The following TP63 variants were observed in gnomAD, a reference collection of about 807,000 sequenced individuals.
The protein encoded by TP63 is tumor protein p63, also known as tumor protein 63.
In TP63, 17 loss-of-function variants were observed where a neutral mutation model predicts 82.8. The observed-to-expected ratio is 0.21, with a 90% confidence interval of 0.14 to 0.31. The LOEUF (loss-of-function observed/expected upper bound fraction) is 0.31. Among genes scored for constraint, TP63 ranks in the 10% least tolerant of loss-of-function variants. The pLI, the probability that TP63 is intolerant of heterozygous loss-of-function variation, is 1.00. For missense variants in TP63, 648 were observed against 895.3 expected, an observed-to-expected ratio of 0.72 and a Z score of 3.52; for synonymous variants, 330 against 321.7, an observed-to-expected ratio of 1.03 and a Z score of -0.28.
chr3:189,750,038 C>T (rs1253986614), intron 3 of TP63, among the ~76,000 whole-genome samples: 4 of 149,970 alleles, frequency 2.7e-5, no homozygotes, highest in South Asian at 2.1e-4. Context: ...GCAGGAGAAT[C>T]GCTTGAGCCT....
intron 1 of TP63, chr3:189,645,504 TTTA>T (rs1262725995): frequency 1.6e-5 from 3 of 191,370 alleles, no homozygotes; most frequent in African/African-American, 4.7e-5. Context: ...TTTTAATTTT[TTTA>T]TTATTTATTT....
At chr3:189,606,406 C>T in the TP63 span, among the ~76,000 whole-genome samples, 1 of 151,742 alleles carries the variant, frequency 6.6e-6, no homozygotes, top group African/African-American at 2.4e-5. Flanking sequence ...ATAAAAACAC[C>T]AGAGCAGAGC....
intron 4 of TP63, among the ~76,000 whole-genome samples, chr3:189,822,027 T>TG (rs900811634): frequency 1.3e-5 from 2 of 152,248 alleles, no homozygotes; most frequent in African/African-American, 4.8e-5. Context: ...CAGATAGACC[T>TG]GGGGGGTTGA....
intron 4 of TP63, among the ~76,000 whole-genome samples, chr3:189,818,464 C>G (rs1232228329): frequency 6.6e-6 from 1 of 151,916 alleles, no homozygotes; most frequent in Non-Finnish European, 1.5e-5. Context: ...TTTTTATAAA[C>G]TTATCTAGAA....
At chr3:189,781,416 A>G (rs1724224153) in intron 3 of TP63, among the ~76,000 whole-genome samples, 1 of 152,072 alleles carries the variant, frequency 6.6e-6, no homozygotes, top group Non-Finnish European at 1.5e-5. Context: ...GACTTCTCCT[A>G]TTTTCTAAAA....
chr3:189,805,955 C>A (rs982954786), intron 3 of TP63, among the ~76,000 whole-genome samples: 3 of 151,294 alleles, frequency 2.0e-5, no homozygotes, highest in Non-Finnish European at 4.4e-5. Context: ...TGCTACCCCC[C>A]TGGGGAGAGG....
intron 3 of TP63, among the ~76,000 whole-genome samples, chr3:189,773,911 G>A (rs535391126): frequency 2.3e-4 from 32 of 141,526 alleles, no homozygotes; most frequent in Admixed American, 5.1e-4. Context: ...ATTGTGTCTC[G>A]TGCCTTTTTT....
At chr3:189,784,335 A>G (rs762378067) in intron 3 of TP63, among the ~76,000 whole-genome samples, 6 of 152,074 alleles carry the variant, frequency 3.9e-5, no homozygotes, top group Admixed American at 1.3e-4. Flanking sequence ...ATGACATTGA[A>G]GAAGGATAAA....
chr3:189,700,979 C>T (rs554889597), intron 1 of TP63, among the ~76,000 whole-genome samples: 4 of 152,162 alleles, frequency 2.6e-5, no homozygotes, highest in African/African-American at 7.2e-5. Flanking sequence ...TGGTTAAAAG[C>T]GCTACCAAGG....
Position 189,872,917 on chromosome 3 carries a change from T to C in TP63, c.1271T>C (p.Met424Thr), listed in dbSNP as rs1433363007. ...LLKIKESLEL[M>T]QYLPQHTIET... The stretch of plus-strand genomic sequence containing the variant: ...AAGATCAAAGAGTCCCTGGAACTCA[T>C]GCAGTACCTTCCTCAGCACACAATT... Residue 424 changes from methionine (M) to threonine (T), a missense_variant, in exon 10 of 14, where the codon ATG becomes ACG. This residue lies in a region of TP63 where 342 missense variants were observed against 425.7 expected (regional missense o/e 0.80). Coordinates refer to ENST00000264731, the MANE Select transcript of TP63 (RefSeq NM_003722.5). The C allele has an allele frequency of 3.7e-6, 6 of 1,614,156 alleles. No individual in the cohort carries two copies. The highest frequency in any genetic ancestry group is 1.6e-4 in the Middle Eastern group (1 of 6,062).
In TP63 at chr3:189,894,657, A is replaced by C; in HGVS notation, c.*155A>C. On this transcript the variant is annotated 3_prime_UTR_variant, in exon 14 of 14. Coordinates refer to ENST00000264731, the MANE Select transcript of TP63 (RefSeq NM_003722.5). The stretch of plus-strand genomic sequence containing the variant: ...AGTAAGAGGCTACCTCTTACCTAAC[A>C]TCTGACCTGGCATCTAATTCTGATT... 4 of 855,440 alleles carry C rather than the reference A, an allele frequency of 4.7e-6. No individual in the cohort carries two copies. The highest frequency in any genetic ancestry group is 7.2e-6 in the Non-Finnish European group (4 of 557,628). The allele number at this position is 855,440 out of a possible 1,614,324, so 53.0% of individuals were successfully genotyped here. A position where few individuals can be genotyped will look rare whatever the true frequency, so the allele number is the denominator to read the frequency against.
At chr3:189,609,999 CG>C in the TP63 span, among the ~76,000 whole-genome samples, 1 of 152,172 alleles carries the variant, frequency 6.6e-6, no homozygotes, top group Non-Finnish European at 1.5e-5. Context: ...CTCCCACCAA[CG>C]GAGTATGTGT....
chr3:189,681,896 A>T (rs1401517806), intron 1 of TP63, among the ~76,000 whole-genome samples: 1 of 152,116 alleles, frequency 6.6e-6, no homozygotes, highest in Non-Finnish European at 1.5e-5. Flanking sequence ...TTTACACACT[A>T]AGTGAACCAA....
chr3:189,743,118 A>T lies in TP63; in HGVS notation c.324+4344A>T, dbSNP rs372401502. Among the ~76,000 whole-genome samples the T allele has an allele frequency of 1.2e-4, 19 of 152,318 alleles. 1 individual carries two copies. In the South Asian group the frequency reaches 2.9e-3, roughly 23 times the overall value. On this transcript the variant is annotated intron_variant, in intron 3 of 13. Coordinates refer to ENST00000264731, the MANE Select transcript of TP63 (RefSeq NM_003722.5). ...AAGCTTAATAACCCCAATAAACTAA[A>T]TATTCAAAATTTAATAAGAGAGATA...
At chr3:189,879,937 T>C (rs1719718145) in intron 10 of TP63, 1 of 1,279,728 alleles carries the variant, frequency 7.8e-7, no homozygotes, top group South Asian at 2.6e-5. Context: ...AAAATAGCTT[T>C]TCAGGCACTC....
intron 1 of TP63, among the ~76,000 whole-genome samples, chr3:189,636,219 G>A (rs12374182): frequency 0.11 from 17,278 of 152,128 alleles, 1,330 homozygotes; most frequent in East Asian, 0.38. Context: ...CATGCGCTGC[G>A]TCTGAGCGGT....
chr3:189,681,127 T>G (rs1332055718), intron 1 of TP63, among the ~76,000 whole-genome samples: 1 of 152,176 alleles, frequency 6.6e-6, no homozygotes, highest in African/African-American at 2.4e-5. Flanking sequence ...TTTTCTTACT[T>G]CTGTGCTCCT....
chr3:189,866,864 T>C, intron 6 of TP63, 67 bp downstream of exon 6: 1 of 1,262,304 alleles, frequency 7.9e-7, no homozygotes, highest in Non-Finnish European at 1.2e-6. Context: ...AGAGAACATC[T>C]GTTTCAGCAA....
At chr3:189,687,316 A>C (rs865965677) in intron 1 of TP63, among the ~76,000 whole-genome samples, 1 of 152,196 alleles carries the variant, frequency 6.6e-6, no homozygotes, top group Non-Finnish European at 1.5e-5. Context: ...GTTTTCTTTT[A>C]ATACAATCCA....
Sources: gnomAD v4.1 joint callset for allele counts (sites outside exome capture counted in the v4.1 genomes callset) on GRCh38, gnomAD v4.1.1 for gene constraint, gnomAD v4.1.1 regional missense constraint, MANE v1.5 for transcripts, NCBI Gene and HGNC (gene_info 2026-07-23, HGNC 2026-07-21) for gene names.